PLXNA2: variants seen among roughly 807,000 people sequenced by gnomAD.
The protein encoded by PLXNA2 is plexin A2, also known as plexin-A2.
In PLXNA2, 91 loss-of-function variants were observed where a neutral mutation model predicts 193.5. That is an observed-to-expected ratio of 0.47 (90% CI 0.40 to 0.56). PLXNA2 has a LOEUF of 0.56. Among genes scored for constraint, PLXNA2 ranks in the 20% least tolerant of loss-of-function variants. The probability of loss-of-function intolerance (pLI) is 0.00; values close to 1 mark genes in which losing one functional copy is unlikely to be tolerated. For missense variants in PLXNA2, 1,995 were observed against 2,503.2 expected, an observed-to-expected ratio of 0.80 and a Z score of 4.33; for synonymous variants, 997 against 1,027.3, an observed-to-expected ratio of 0.97 and a Z score of 0.56.
chr1:208,153,081 T>G (rs1377066046), intron 3 of PLXNA2, among the ~76,000 whole-genome samples: 1 of 152,188 alleles, frequency 6.6e-6, no homozygotes, highest in African/African-American at 2.4e-5. Context: ...CACTTGGTAC[T>G]GCCCTGCACA....
intron 3 of PLXNA2, among the ~76,000 whole-genome samples, chr1:208,202,930 G>A (rs893911545): frequency 1.1e-4 from 17 of 152,248 alleles, no homozygotes; most frequent in African/African-American, 3.6e-4. Flanking sequence ...TACACAAAAA[G>A]TACAAAAAAT....
At chr1:208,074,309 C>T (rs2498029) in intron 12 of PLXNA2, among the ~76,000 whole-genome samples, 23,652 of 152,146 alleles carry the variant, frequency 0.16, 2,408 homozygotes, top group East Asian at 0.34. Flanking sequence ...ATCTCATGGG[C>T]TTTCCAATCC....
At chr1:208,166,966 C>T (rs1218386438) in intron 3 of PLXNA2, among the ~76,000 whole-genome samples, 1 of 152,150 alleles carries the variant, frequency 6.6e-6, no homozygotes, top group Non-Finnish European at 1.5e-5. Context: ...TGAGTCTGCA[C>T]CTGGGGCTAC....
intron 4 of PLXNA2, among the ~76,000 whole-genome samples, chr1:208,134,971 G>T (rs999763222): frequency 6.6e-6 from 1 of 152,144 alleles, no homozygotes; most frequent in Non-Finnish European, 1.5e-5. Context: ...CCTCTGAAAA[G>T]GATTCTTATT....
At chr1:208,172,116 G>A (rs952437917) in intron 3 of PLXNA2, among the ~76,000 whole-genome samples, 1 of 151,496 alleles carries the variant, frequency 6.6e-6, no homozygotes, top group African/African-American at 2.4e-5. Context: ...AGAGAGCTGG[G>A]GGGAAAACAG....
chr1:208,081,128 T>C (rs1666326833), intron 11 of PLXNA2, among the ~76,000 whole-genome samples: 2 of 152,230 alleles, frequency 1.3e-5, no homozygotes, highest in African/African-American at 2.4e-5. Flanking sequence ...CTCCAGGTGC[T>C]AAGGCAACCT....
At chr1:208,180,104 T>C (rs541238775) in intron 3 of PLXNA2, among the ~76,000 whole-genome samples, 1 of 151,664 alleles carries the variant, frequency 6.6e-6, no homozygotes, top group Non-Finnish European at 1.5e-5. Flanking sequence ...CTTGTGAACA[T>C]GTGCTTGGGT....
intron 1 of PLXNA2, among the ~76,000 whole-genome samples, chr1:208,234,350 A>C (rs931773915): frequency 2.0e-5 from 3 of 152,236 alleles, no homozygotes; most frequent in African/African-American, 7.2e-5. Context: ...TCTTTCTTAA[A>C]AAATAATATT....
At chr1:208,086,167 C>A (rs1666513142) in intron 9 of PLXNA2, among the ~76,000 whole-genome samples, 1 of 152,174 alleles carries the variant, frequency 6.6e-6, no homozygotes, top group Non-Finnish European at 1.5e-5. Flanking sequence ...GGGCTGTGAG[C>A]TTCTTGAGGA....
At chr1:208,151,530 C>T (rs969474060) in intron 3 of PLXNA2, among the ~76,000 whole-genome samples, 2 of 152,180 alleles carry the variant, frequency 1.3e-5, no homozygotes, top group African/African-American at 2.4e-5. Flanking sequence ...GCCTGTCTCA[C>T]TCCTCAAAAG....
intron 5 of PLXNA2, among the ~76,000 whole-genome samples, chr1:208,099,636 T>A (rs1301318934): frequency 1.3e-5 from 2 of 152,110 alleles, no homozygotes; most frequent in Admixed American, 6.5e-5. Flanking sequence ...AGTGGCAGGG[T>A]CTCAGCTCAC....
intron 1 of PLXNA2, among the ~76,000 whole-genome samples, chr1:208,219,888 A>T (rs1258778478): frequency 1.3e-5 from 2 of 152,212 alleles, no homozygotes; most frequent in Non-Finnish European, 2.9e-5. Context: ...AAAGCCTCCC[A>T]ACAGACAGGG....
rs922789424 is a variant in PLXNA2 at position 208,024,104 on chromosome 1, C to G, written c.*3139G>C. 2.0e-5 allele frequency: 3 copies of G among 152,264 alleles called. No homozygotes were observed. The highest frequency in any genetic ancestry group is 4.4e-5 in the Non-Finnish European group (3 of 68,114). 9.4% of individuals were successfully genotyped at this position (152,264 alleles called of 1,614,324 possible). The stretch of plus-strand genomic sequence containing the variant: ...TAGCATCCTCTGTCTTGCCAAGCAC[C>G]CTTCTGGGGTCCTCTTCCTTTTCCA... On this transcript the variant is annotated 3_prime_UTR_variant, in exon 32 of 32. Transcript: ENST00000367033.
chr1:208,137,358 C>G (rs564339723), intron 4 of PLXNA2, among the ~76,000 whole-genome samples: 2 of 152,196 alleles, frequency 1.3e-5, no homozygotes, highest in African/African-American at 4.8e-5. Flanking sequence ...TCCCATCCAC[C>G]CTGTGTATAG....
rs149338099 is a variant in PLXNA2 at position 208,139,809 on chromosome 1, C to T, written c.1506+2520G>A. Among the ~76,000 whole-genome samples, 14 of 152,276 alleles carry T rather than the reference C, an allele frequency of 9.2e-5. 1 individual carries two copies. Among genetic ancestry groups the T allele is most frequent in the African/African-American group, 2.6e-4 (11 of 41,568 alleles). Reference sequence around the variant, plus strand: ...TGTCTGTGAGTACTTAACTCACAGCCGGCCTCAGACAGATGGGCCTCCTGA... The same window carrying T: ...TGTCTGTGAGTACTTAACTCACAGCTGGCCTCAGACAGATGGGCCTCCTGA... On this transcript the variant is annotated intron_variant, in intron 4 of 31. Transcript: ENST00000367033.
In PLXNA2 at chr1:208,034,307, C is replaced by T. The variant is rs143334915; in HGVS notation, c.4864+186G>A. ...GGGCACATGGTGCCACCTGCTCCCACGGCTCTGAGGGCGCAGGCTGCCTGG... is the reference window on the plus strand; with the variant it reads ...GGGCACATGGTGCCACCTGCTCCCATGGCTCTGAGGGCGCAGGCTGCCTGG... On this transcript the variant is annotated intron_variant, in intron 27 of 31. Transcript: ENST00000367033. Among the ~76,000 whole-genome samples the T allele has an allele frequency of 3.3e-3, 499 of 152,356 alleles. 4 individuals carry two copies. Among genetic ancestry groups the T allele is most frequent in the African/African-American group, 0.011 (447 of 41,590 alleles).
intron 4 of PLXNA2, among the ~76,000 whole-genome samples, chr1:208,117,992 GAGATC>G (rs551346274): frequency 2.0e-4 from 30 of 152,318 alleles, no homozygotes; most frequent in African/African-American, 5.8e-4. Flanking sequence ...CCACCTGCCT[GAGATC>G]CAGGCAAAAC....
intron 3 of PLXNA2, among the ~76,000 whole-genome samples, chr1:208,180,273 A>G (rs1669799629): frequency 6.6e-6 from 1 of 151,920 alleles, no homozygotes; most frequent in Non-Finnish European, 1.5e-5. Flanking sequence ...GAGAAGAAAA[A>G]TGGCCTGTCT....
chr1:208,196,722 A>G (rs1311395378), intron 3 of PLXNA2, among the ~76,000 whole-genome samples: 9 of 152,210 alleles, frequency 5.9e-5, no homozygotes, highest in Non-Finnish European at 1.2e-4. Context: ...GGTGGGGAGA[A>G]AAAGACTGAA....
Sources: gnomAD v4.1 joint callset for allele counts (sites outside exome capture counted in the v4.1 genomes callset) on GRCh38, gnomAD v4.1.1 for gene constraint, MANE v1.5 for transcripts, NCBI Gene and HGNC (gene_info 2026-07-23, HGNC 2026-07-21) for gene names.